LMNB2: variants seen among roughly 807,000 people sequenced by gnomAD.
The protein encoded by LMNB2 is lamin B2, also known as lamin-B2.
Under a neutral mutation model 69.3 loss-of-function variants are expected in LMNB2, and 17 were observed. The ratio of observed to expected loss-of-function variants is 0.25; its 90% CI spans 0.17 to 0.37. LMNB2 has a LOEUF of 0.37. Ranked by LOEUF, LMNB2 falls within the 10% of genes least tolerant of loss-of-function variation. LMNB2 has a pLI of 1.00. For synonymous variants in LMNB2, 397 were observed against 389.3 expected (o/e 1.02, Z -0.23); for missense variants, 789 against 883.6 (o/e 0.89, Z 1.36).
At chr19:2,444,993 T>A (rs1452482789) in intron 1 of LMNB2, among the ~76,000 whole-genome samples, 4 of 152,218 alleles carry the variant, frequency 2.6e-5, no homozygotes, top group South Asian at 2.1e-4. Flanking sequence ...ACACGATGCC[T>A]GGCCATTAGA....
At chr19:2,436,630 C>A (rs1391864550) in intron 4 of LMNB2, among the ~76,000 whole-genome samples, 3 of 134,894 alleles carry the variant, frequency 2.2e-5, no homozygotes, top group Non-Finnish European at 3.2e-5. Flanking sequence ...CCCTCCCACC[C>A]CCACAGCCGC....
chr19:2,450,119 C>CATATACATATACATAT (rs768767651), intron 1 of LMNB2, among the ~76,000 whole-genome samples: 18 of 135,336 alleles, frequency 1.3e-4, no homozygotes, highest in African/African-American at 5.4e-4. Flanking sequence ...TATATATATA[C>CATATACATATACATAT]ACATATATAT....
rs1027606337 is a variant in LMNB2, at chr19:2,428,358, C to G, written c.*2553G>C. ...TTTGCAGGTTGTGCTGTGACGCTCG[C>G]TGGACGCAGGGCTTGGAAGAGGCTG... On this transcript the variant is annotated 3_prime_UTR_variant, in exon 12 of 12. Coordinates refer to ENST00000325327, the MANE Select transcript of LMNB2 (RefSeq NM_032737.4). 4.6e-5 allele frequency: 7 copies of G among 152,294 alleles called. No homozygotes were observed. Among genetic ancestry groups the G allele is most frequent in the African/African-American group, 1.7e-4 (7 of 41,476 alleles). 9.4% of individuals were successfully genotyped at this position (152,294 alleles called of 1,614,324 possible).
chr19:2,432,284 C>G, intron 9 of LMNB2, 132 bp downstream of exon 9: 4 of 781,768 alleles, frequency 5.1e-6, no homozygotes, highest in Non-Finnish European at 6.5e-6. Context: ...ATGACTGCGG[C>G]AGCCGCTCTG....
intron 4 of LMNB2, 103 bp downstream of exon 4, chr19:2,438,060 G>C: frequency 1.3e-6 from 2 of 1,560,900 alleles, no homozygotes; most frequent in Non-Finnish European, 1.7e-6. Context: ...GCCGTGGGAG[G>C]GACCCCGGCC....
chr19:2,456,548 C>T (rs1413126250), intron 1 of LMNB2, 122 bp downstream of exon 1: 26 of 1,067,862 alleles, frequency 2.4e-5, no homozygotes, highest in Admixed American at 1.8e-4. Context: ...CCCGCGGAAA[C>T]CCCCGAAGCC....
chr19:2,432,859 C>T (rs1971761617), intron 8 of LMNB2, among the ~76,000 whole-genome samples: 1 of 115,574 alleles, frequency 8.7e-6, no homozygotes, highest in Non-Finnish European at 1.8e-5. Flanking sequence ...CCGTTACCCC[C>T]ATGCCCCGGT....
chr19:2,452,529 C>A (rs530283683), intron 1 of LMNB2, among the ~76,000 whole-genome samples: 2 of 151,914 alleles, frequency 1.3e-5, no homozygotes, highest in South Asian at 4.2e-4. Flanking sequence ...AGATAGAGAC[C>A]ATCCTGGCCA....
intron 1 of LMNB2, among the ~76,000 whole-genome samples, chr19:2,451,045 A>C (rs1972016251): frequency 1.3e-5 from 2 of 152,026 alleles, no homozygotes; most frequent in Non-Finnish European, 2.9e-5. Flanking sequence ...GTTCGAGACC[A>C]GCCTGACCAG....
intron 4 of LMNB2, among the ~76,000 whole-genome samples, chr19:2,435,469 A>G (rs1230852748): frequency 2.6e-5 from 4 of 152,124 alleles, no homozygotes; most frequent in Admixed American, 1.3e-4. Context: ...GCGTGATCCC[A>G]TTTCCATGAA....
At chr19:2,431,926 C>T (rs1481550740) in intron 9 of LMNB2, 24 bp from the exon 10 acceptor site, 3 of 1,602,004 alleles carry the variant, frequency 1.9e-6, no homozygotes, top group African/African-American at 2.7e-5. Context: ...AACAATGGCC[C>T]CATCAGGGTC....
At position 2,447,834 on chromosome 19, in the gene LMNB2, C is replaced by G. The variant is rs1370022530; in HGVS notation, c.265-3294G>C. ...TCTTCTGAGGTGGGACCCTCAGCCT[C>G]AAACCAACGCATGCTGGGCCATCTG... On this transcript the variant is annotated intron_variant, in intron 1 of 11. Transcript: ENST00000325327. This position sits in a 1 kb window ranked among gnomAD's most constrained non-coding sequence, Gnocchi z 4.4. Among the ~76,000 whole-genome samples the G allele has an allele frequency of 1.3e-5, 2 of 152,178 alleles. No individual in the cohort carries two copies. The highest frequency in any genetic ancestry group is 3.9e-4 in the East Asian group (2 of 5,194).
Position 2,453,360 on chromosome 19 carries a change from TGA to T in LMNB2, c.264+3308_264+3309del, listed in dbSNP as rs1024773228. ...TGCCCCCATCCTGCCAGCCTGAGCC[TGA>T]GGCTGCTCTCTGAACCCCACGTGGC... On this transcript the variant is annotated intron_variant, in intron 1 of 11. Coordinates refer to ENST00000325327, the MANE Select transcript of LMNB2 (RefSeq NM_032737.4). This position sits in a 1 kb window ranked among gnomAD's most constrained non-coding sequence, Gnocchi z 4.4. Among the ~76,000 whole-genome samples, 49 of 151,558 alleles carry T rather than the reference TGA, an allele frequency of 3.2e-4. No homozygotes were observed. Among genetic ancestry groups the T allele is most frequent in the Admixed American group, 5.9e-4 (9 of 15,266 alleles).
intron 1 of LMNB2, among the ~76,000 whole-genome samples, chr19:2,446,590 T>C (rs1304122525): frequency 2.0e-5 from 3 of 152,140 alleles, no homozygotes; most frequent in Non-Finnish European, 4.4e-5. Context: ...TTTAAAAATA[T>C]GTGGAAGCAA....
chr19:2,456,778 C>G lies in LMNB2; in HGVS notation c.156G>C (p.Glu52Asp). 1 of 1,539,266 alleles carries G rather than the reference C, an allele frequency of 6.5e-7. No homozygotes were observed. Among genetic ancestry groups the G allele is most frequent in the South Asian group, 1.2e-5 (1 of 84,580 alleles). The stretch of plus-strand genomic sequence containing the variant: ...TGTAGTGCGCCAGGCGGTCGTTGAG[C>G]TCGCGCAGCTCCTCCTTCTCCTGCA... Reference protein sequence around the residue: ...SRLQEKEELRELNDRLAHYID... With the variant: ...SRLQEKEELRDLNDRLAHYID... The change falls in exon 1 of 12, where the codon GAG (glutamate) becomes GAC (aspartate). Residue 52 changes from glutamate (E) to aspartate (D), a missense_variant. By Grantham distance (45) the Glu-to-Asp change is conservative. Around this residue, in one of 3 missense-constraint regions of LMNB2, gnomAD observed 145 missense variants for 228.9 expected, o/e 0.63. Transcript: ENST00000325327.
At position 2,430,512 on chromosome 19, in the gene LMNB2, T is replaced by C. The variant is rs1470364040; in HGVS notation, c.*399A>G. On this transcript the variant is annotated 3_prime_UTR_variant, in exon 12 of 12. Coordinates refer to ENST00000325327, the MANE Select transcript of LMNB2 (RefSeq NM_032737.4). Reference sequence around the variant, plus strand: ...CTGAATTTGGTTTTGTAGAAAGCCTTAAAAAAACCCACCACCACTGAATTC... The same window carrying C: ...CTGAATTTGGTTTTGTAGAAAGCCTCAAAAAAACCCACCACCACTGAATTC... 1 of 312,858 alleles carries C rather than the reference T, an allele frequency of 3.2e-6. No individual in the cohort carries two copies. The highest frequency in any genetic ancestry group is 2.2e-5 in the African/African-American group (1 of 46,286). The allele number at this position is 312,858 out of a possible 1,614,324, so 19.4% of individuals were successfully genotyped here.
chr19:2,429,984 T>C lies in LMNB2; in HGVS notation c.*927A>G, dbSNP rs375513770. 7 of 152,262 alleles carry C rather than the reference T, an allele frequency of 4.6e-5. No homozygotes were observed. In the South Asian group the frequency reaches 6.2e-4, roughly 14 times the overall value. The allele number at this position is 152,262 out of a possible 1,614,324, so 9.4% of individuals were successfully genotyped here. On this transcript the variant is annotated 3_prime_UTR_variant, in exon 12 of 12. Coordinates refer to ENST00000325327, the MANE Select transcript of LMNB2 (RefSeq NM_032737.4). ...TAAAAGCACAGTATGGATAGACGCA[T>C]GTGTATATATAGGCACAGGGCAGAC...
In LMNB2 at chr19:2,431,656, T is replaced by C. The variant is rs2145444313; in HGVS notation, c.1713A>G (p.Glu571=). 1 of 1,614,096 alleles carries C rather than the reference T, an allele frequency of 6.2e-7. No individual in the cohort carries two copies. The highest frequency in any genetic ancestry group is 1.1e-5 in the South Asian group (1 of 91,088). Residue 571 remains glutamate, a splice_region_variant and synonymous_variant, in exon 11 of 12, where the codon GAA becomes GAG. Coordinates refer to ENST00000325327, the MANE Select transcript of LMNB2 (RefSeq NM_032737.4). ...ACTTCTTCACAGTCCTCATGGCCAC[T>C]TCCTGTGCGGGACAGGACACGGCGG... ...RTVLVNADGE[E]VAMRTVKKSS... is the part of the protein sequence containing the mutation.
In LMNB2 at chr19:2,455,342, C is replaced by T. The variant is rs562556866; in HGVS notation, c.264+1328G>A. 2.3e-3 allele frequency among the ~76,000 whole-genome samples: 346 copies of T among 152,020 alleles called. 2 individuals carry two copies. The highest frequency in any genetic ancestry group is 7.9e-3 in the African/African-American group (329 of 41,454). ...GTCTCCTTGGAGCCCAGAGACCACC[C>T]CCATTCCACCCCAGATACCCCAATA... On this transcript the variant is annotated intron_variant, in intron 1 of 11. Coordinates refer to ENST00000325327, the MANE Select transcript of LMNB2 (RefSeq NM_032737.4).
Sources: allele counts gnomAD v4.1 joint callset (sites outside exome capture counted in the v4.1 genomes callset), GRCh38; gene constraint gnomAD v4.1.1; regional missense constraint gnomAD v4.1.1; non-coding constraint Gnocchi (gnomAD v3.1); transcripts MANE v1.5; gene names NCBI Gene and HGNC (gene_info 2026-07-23, HGNC 2026-07-21).